Variants in COL26A1 observed in about 807,000 individuals in gnomAD.
The protein encoded by COL26A1 is collagen type XXVI alpha 1 chain, also known as collagen alpha-1(XXVI) chain.
Under a neutral mutation model 59.3 loss-of-function variants are expected in COL26A1, and 41 were observed. That is an observed-to-expected ratio of 0.69 (90% CI 0.54 to 0.90). The LOEUF is 0.90. Among genes scored for constraint, COL26A1 ranks in the 40% least tolerant of loss-of-function variants. The probability of loss-of-function intolerance (pLI) is 0.00; values close to 1 mark genes in which losing one functional copy is unlikely to be tolerated. For synonymous variants in COL26A1, 266 were observed against 256.0 expected, an observed-to-expected ratio of 1.04 and a Z score of -0.37; for missense variants, 612 against 602.3, an observed-to-expected ratio of 1.02 and a Z score of -0.17.
intron 3 of COL26A1, among the ~76,000 whole-genome samples, chr7:101,486,808 G>A (rs1329397567): frequency 6.6e-6 from 1 of 152,182 alleles, no homozygotes; most frequent in Non-Finnish European, 1.5e-5. Context: ...CCTGCCCAGC[G>A]GATCAGAAAC....
chr7:101,521,849 A>T (rs1369404456), intron 3 of COL26A1, among the ~76,000 whole-genome samples: 3 of 151,970 alleles, frequency 2.0e-5, no homozygotes, highest in African/African-American at 7.3e-5. Context: ...CTTGTTTCTG[A>T]ACTTCAGATA....
chr7:101,502,267 G>A (rs1794721724), intron 3 of COL26A1, among the ~76,000 whole-genome samples: 1 of 152,150 alleles, frequency 6.6e-6, no homozygotes, highest in Admixed American at 6.5e-5. Flanking sequence ...ACTTGAATCT[G>A]GGAGGCGAAA....
At chr7:101,388,729 A>G (rs914678892) in intron 1 of COL26A1, 1 of 151,986 alleles carries the variant, frequency 6.6e-6, no homozygotes, top group African/African-American at 2.4e-5. Flanking sequence ...TGCCCGGCTA[A>G]GTTTTTTTTT....
intron 4 of COL26A1, among the ~76,000 whole-genome samples, chr7:101,536,364 C>T (rs1259518971): frequency 6.6e-6 from 1 of 152,238 alleles, no homozygotes; most frequent in African/African-American, 2.4e-5. Flanking sequence ...AGGCAGCGGC[C>T]TGGAGAGGGG....
intron 3 of COL26A1, among the ~76,000 whole-genome samples, chr7:101,517,798 ATTTTTTTTTTTTTTT>A (rs869245512): frequency 0.037 from 2,857 of 76,954 alleles, 75 homozygotes; most frequent in South Asian, 0.077. Context: ...TTCTCCCCGC[ATTTTTTTTTTTTTTT>A]TTTTTTTTTT....
chr7:101,555,681 G>A (rs1375072511), intron 11 of COL26A1, 106 bp from the exon 12 acceptor site: 1 of 716,352 alleles, frequency 1.4e-6, no homozygotes, highest in Non-Finnish European at 2.4e-6. Flanking sequence ...GGTGGGAAGA[G>A]GCAGGGGTGG....
intron 1 of COL26A1, among the ~76,000 whole-genome samples, chr7:101,388,212 C>A (rs1445867287): frequency 2.6e-5 from 4 of 151,890 alleles, no homozygotes; most frequent in Non-Finnish European, 5.9e-5. Flanking sequence ...GTGGCTCACG[C>A]CTGTAATCCC....
At chr7:101,444,666 C>T (rs1175775871) in intron 2 of COL26A1, among the ~76,000 whole-genome samples, 1 of 151,906 alleles carries the variant, frequency 6.6e-6, no homozygotes, top group Non-Finnish European at 1.5e-5. Context: ...CCGCCCACCT[C>T]GGCCTCCCAA....
chr7:101,364,312 C>T (rs1790988789), intron 1 of COL26A1, among the ~76,000 whole-genome samples: 1 of 151,036 alleles, frequency 6.6e-6, no homozygotes, highest in Admixed American at 6.6e-5. Context: ...CTACCTGTGT[C>T]TGTTCCCTCC....
Position 101,555,909 on chromosome 7 carries a change from C to A in COL26A1, c.1165+38C>A, listed in dbSNP as rs769663904. On this transcript the variant is annotated intron_variant, in intron 12 of 12. Transcript: ENST00000313669. ...CAGGATCAGCGGGCTGGGAATCTCT[C>A]TCCCCTCCTTCCTCTCCCAATGCTG... 14 of 1,527,448 alleles carry A rather than the reference C, an allele frequency of 9.2e-6. No individual in the cohort carries two copies. In the East Asian group the frequency reaches 3.1e-4, roughly 34 times the overall value. 94.6% of individuals were successfully genotyped at this position (1,527,448 alleles called of 1,614,324 possible).
chr7:101,465,624 G>A (rs369342018), intron 3 of COL26A1, among the ~76,000 whole-genome samples: 1 of 150,274 alleles, frequency 6.7e-6, no homozygotes, highest in Non-Finnish European at 1.5e-5. Flanking sequence ...AACCCAGGGG[G>A]CAGAGGTTGA....
At chr7:101,476,779 C>T (rs1407594313) in intron 3 of COL26A1, among the ~76,000 whole-genome samples, 1 of 150,880 alleles carries the variant, frequency 6.6e-6, no homozygotes, top group Non-Finnish European at 1.5e-5. Flanking sequence ...GATCTCCTGA[C>T]CTCGTGATCC....
At chr7:101,455,489 G>GTTTCT (rs1198585540) in intron 3 of COL26A1, among the ~76,000 whole-genome samples, 1 of 139,138 alleles carries the variant, frequency 7.2e-6, no homozygotes, top group African/African-American at 2.7e-5. Flanking sequence ...TGTTTGGTAA[G>GTTTCT]TTTCTTTTCT....
At chr7:101,497,372 C>G (rs1469520123) in intron 3 of COL26A1, among the ~76,000 whole-genome samples, 2 of 152,058 alleles carry the variant, frequency 1.3e-5, no homozygotes, top group African/African-American at 2.4e-5. Context: ...TGGGCTGAGC[C>G]TCTTAAAGGT....
intron 3 of COL26A1, among the ~76,000 whole-genome samples, chr7:101,469,533 G>T (rs1243585570): frequency 6.8e-6 from 1 of 146,710 alleles, no homozygotes; most frequent in African/African-American, 2.6e-5. Context: ...TGCTCTTTTC[G>T]CCCTGGTGTG....
chr7:101,437,083 T>C (rs911508817), intron 2 of COL26A1, among the ~76,000 whole-genome samples: 1 of 152,222 alleles, frequency 6.6e-6, no homozygotes, highest in Admixed American at 6.5e-5. Context: ...GTGCAGACGA[T>C]GTGCCTCGCT....
At chr7:101,507,402 C>T (rs1794834273) in intron 3 of COL26A1, among the ~76,000 whole-genome samples, 1 of 152,036 alleles carries the variant, frequency 6.6e-6, no homozygotes, top group African/African-American at 2.4e-5. Context: ...TCTTTTCTGC[C>T]CCTCCTGGCT....
At chr7:101,419,874 C>G (rs769547663) in intron 1 of COL26A1, 103 bp from the exon 2 acceptor site, 55 of 1,286,898 alleles carry the variant, frequency 4.3e-5, no homozygotes, top group Non-Finnish European at 5.8e-5. Flanking sequence ...GAGCCTCCAC[C>G]CCAGGTTTGC....
chr7:101,557,086 T>C (rs1795996585), intron 12 of COL26A1, among the ~76,000 whole-genome samples: 1 of 152,012 alleles, frequency 6.6e-6, no homozygotes, highest in African/African-American at 2.4e-5. Flanking sequence ...GATGCATAGA[T>C]AAATGAGTGA....
Sources: allele counts gnomAD v4.1 joint callset (sites outside exome capture counted in the v4.1 genomes callset), GRCh38; gene constraint gnomAD v4.1.1; transcripts MANE v1.5; gene names NCBI Gene and HGNC (gene_info 2026-07-23, HGNC 2026-07-21).